ALPK2: variants seen among roughly 807,000 people sequenced by gnomAD.
The protein encoded by ALPK2 is alpha kinase 2.
In ALPK2, 127 loss-of-function variants were observed where a neutral mutation model predicts 163.1. That is an observed-to-expected ratio of 0.78 (90% CI 0.67 to 0.90). ALPK2 has a LOEUF of 0.90. Ranked by LOEUF, ALPK2 falls within the 40% of genes least tolerant of loss-of-function variation. The pLI, the probability that ALPK2 is intolerant of heterozygous loss-of-function variation, is 0.00. For missense variants in ALPK2, 2,360 were observed against 2,589.6 expected, an observed-to-expected ratio of 0.91 and a Z score of 1.92; for synonymous variants, 953 against 959.1, an observed-to-expected ratio of 0.99 and a Z score of 0.12.
intron 4 of ALPK2, among the ~76,000 whole-genome samples, chr18:58,562,719 G>T (rs528215465): frequency 6.6e-6 from 1 of 152,208 alleles, no homozygotes; most frequent in Non-Finnish European, 1.5e-5. Flanking sequence ...TTAAATAAGA[G>T]ACATTTATTT....
At chr18:58,520,063 A>G (rs912920470) in intron 8 of ALPK2, among the ~76,000 whole-genome samples, 4 of 152,184 alleles carry the variant, frequency 2.6e-5, no homozygotes, top group Non-Finnish European at 4.4e-5. Context: ...GCAGCTTTGC[A>G]GAGCCATCCG....
chr18:58,590,238 A>G (rs2144209061), intron 3 of ALPK2, among the ~76,000 whole-genome samples: 1 of 152,080 alleles, frequency 6.6e-6, no homozygotes, highest in East Asian at 1.9e-4. Flanking sequence ...AAAAAAAAAA[A>G]AAGATTTGGA....
At chr18:58,609,999 C>T (rs1173051090) in intron 2 of ALPK2, among the ~76,000 whole-genome samples, 2 of 152,182 alleles carry the variant, frequency 1.3e-5, no homozygotes, top group African/African-American at 4.8e-5. Context: ...GGTTTTATGA[C>T]AACTTCTGCT....
rs2052121198 is a variant in ALPK2, at chr18:58,610,268, C to A, written c.109+1421G>T. Among the ~76,000 whole-genome samples the A allele has an allele frequency of 2.3e-5, 3 of 128,690 alleles. No individual in the cohort carries two copies. In the Admixed American group the frequency reaches 2.4e-4, roughly 10 times the overall value. The allele number at this position is 128,690 out of a possible 152,430, so 84.4% of individuals were successfully genotyped here. A position where few individuals can be genotyped will look rare whatever the true frequency, so the allele number is the denominator to read the frequency against. Reference sequence around the variant, plus strand: ...CAGCCTGGGCAACAGAGCAAGAGACCCTGTCTCAAAAAAAAAAAAAAAAAA... The same window carrying A: ...CAGCCTGGGCAACAGAGCAAGAGACACTGTCTCAAAAAAAAAAAAAAAAAA... On this transcript the variant is annotated intron_variant, in intron 2 of 12. Coordinates refer to ENST00000361673, the MANE Select transcript of ALPK2 (RefSeq NM_052947.4).
chr18:58,578,738 A>ACACACGCGCGCACGCGCGCGCG (rs138127797), intron 4 of ALPK2, 76 bp downstream of exon 4: 11,801 of 935,382 alleles, frequency 0.013, 243 homozygotes, highest in Middle Eastern at 0.022. Flanking sequence ...GAAGAGACAC[A>ACACACGCGCGCACGCGCGCGCG]CACACACACA....
chr18:58,482,089 C>G (rs758103700), intron 12 of ALPK2, 50 bp from the exon 13 acceptor site: 1 of 1,426,214 alleles, frequency 7.0e-7, no homozygotes, highest in Non-Finnish European at 9.8e-7. Context: ...AGGACACTTT[C>G]ATCAGTTTAA....
chr18:58,606,842 T>C (rs745327973), intron 3 of ALPK2, among the ~76,000 whole-genome samples: 3 of 152,140 alleles, frequency 2.0e-5, no homozygotes, highest in Non-Finnish European at 4.4e-5. Context: ...AAAAAAAAAT[T>C]CGAAATCACT....
chr18:58,588,381 C>T (rs2051997613), intron 3 of ALPK2, among the ~76,000 whole-genome samples: 1 of 152,272 alleles, frequency 6.6e-6, no homozygotes, highest in Non-Finnish European at 1.5e-5. Flanking sequence ...CACGTCAACA[C>T]AGTGAAAAGG....
At chr18:58,584,199 A>T (rs1471057794) in intron 3 of ALPK2, among the ~76,000 whole-genome samples, 1 of 152,224 alleles carries the variant, frequency 6.6e-6, no homozygotes, top group Non-Finnish European at 1.5e-5. Context: ...ATGAAGAGAA[A>T]AGGGAACTGG....
At chr18:58,598,338 G>T (rs2052051405) in intron 3 of ALPK2, among the ~76,000 whole-genome samples, 1 of 152,246 alleles carries the variant, frequency 6.6e-6, no homozygotes, top group Non-Finnish European at 1.5e-5. Context: ...AAAGTGAATG[G>T]GAGCATGTGC....
At chr18:58,531,017 A>G (rs1656678503) in intron 5 of ALPK2, among the ~76,000 whole-genome samples, 1 of 152,094 alleles carries the variant, frequency 6.6e-6, no homozygotes, top group South Asian at 2.1e-4. Flanking sequence ...CCTGGGCAAC[A>G]TAGCAAGATC....
intron 8 of ALPK2, 72 bp downstream of exon 8, chr18:58,523,734 T>G: frequency 6.3e-7 from 1 of 1,586,276 alleles, no homozygotes; most frequent in South Asian, 1.1e-5. Flanking sequence ...GCTTCTACTC[T>G]TTCCTCTGGG....
rs777463780 is a variant in ALPK2 at position 58,580,242 on chromosome 18, GC to G, written c.533del (p.Gly178AlafsTer70). ...AACTGGACACACTAATGTCAAGATT[GC>G]CCAATGACTGGAGGGAGAGTGAATG... ...SNHSLSLQSLGNLDISVSSSE... is the reference protein window; with the variant it reads ...SNHSLSLQSLXNLDISVSSSE... On this transcript the variant is annotated frameshift_variant, in exon 4 of 13. Coordinates refer to ENST00000361673, the MANE Select transcript of ALPK2 (RefSeq NM_052947.4). LOFTEE classifies it high-confidence loss of function. 46 of 1,614,100 alleles carry G rather than the reference GC, an allele frequency of 2.8e-5. No homozygotes were observed. The highest frequency in any genetic ancestry group is 3.7e-5 in the Non-Finnish European group (44 of 1,180,038).
At chr18:58,563,526 T>C (rs948687156) in intron 4 of ALPK2, among the ~76,000 whole-genome samples, 2 of 152,140 alleles carry the variant, frequency 1.3e-5, no homozygotes, top group Non-Finnish European at 2.9e-5. Context: ...GCTGAGAAAA[T>C]GACCAGGACT....
chr18:58,610,989 G>C (rs920166227), intron 2 of ALPK2, among the ~76,000 whole-genome samples: 1 of 151,816 alleles, frequency 6.6e-6, no homozygotes, highest in Non-Finnish European at 1.5e-5. Flanking sequence ...AGCTACTTGG[G>C]AGGCTGAGGT....
chr18:58,489,945 G>A (rs1227079710), intron 12 of ALPK2, among the ~76,000 whole-genome samples: 25 of 152,052 alleles, frequency 1.6e-4, no homozygotes, highest in Middle Eastern at 3.4e-3. Context: ...GCTGGGTGTG[G>A]TACCGTGTGC....
chr18:58,614,884 ACCT>A (rs1329197860), intron 1 of ALPK2, among the ~76,000 whole-genome samples: 1 of 150,442 alleles, frequency 6.6e-6, no homozygotes, highest in Non-Finnish European at 1.5e-5. Context: ...CACCCCTTTT[ACCT>A]CCTCATCTCC....
chr18:58,517,901 AAAAG>A (rs1420022758), intron 8 of ALPK2, among the ~76,000 whole-genome samples: 5 of 152,248 alleles, frequency 3.3e-5, no homozygotes, highest in African/African-American at 1.2e-4. Context: ...TTTATTTGTA[AAAAG>A]AAAAGTAGAA....
chr18:58,506,681 G>T (rs1290181017), intron 10 of ALPK2, among the ~76,000 whole-genome samples: 3 of 152,096 alleles, frequency 2.0e-5, no homozygotes, highest in African/African-American at 7.2e-5. Flanking sequence ...AATGCTCCTG[G>T]CTCAAAATAA....
Sources: gnomAD v4.1 joint callset for allele counts (sites outside exome capture counted in the v4.1 genomes callset) on GRCh38, gnomAD v4.1.1 for gene constraint, MANE v1.5 for transcripts, NCBI Gene and HGNC (gene_info 2026-07-23, HGNC 2026-07-21) for gene names.